Variants in IQGAP2 observed in about 807,000 individuals in gnomAD.
The protein encoded by IQGAP2 is IQ motif containing GTPase activating protein 2.
IQGAP2 carries 173 observed loss-of-function variants against 201.3 expected under a neutral mutation model. The ratio of observed to expected loss-of-function variants is 0.86; its 90% CI spans 0.76 to 0.98. The LOEUF is 0.98. Among genes scored for constraint, IQGAP2 ranks in the 50% least tolerant of loss-of-function variants. The pLI, the probability that IQGAP2 is intolerant of heterozygous loss-of-function variation, is 0.00. For missense variants in IQGAP2, 1,687 were observed against 1,864.8 expected (o/e 0.90, Z 1.76); for synonymous variants, 675 against 673.9 (o/e 1.00, Z -0.03).
chr5:76,469,128 A>T (rs1754968432), intron 2 of IQGAP2, among the ~76,000 whole-genome samples: 1 of 152,190 alleles, frequency 6.6e-6, no homozygotes, highest in Admixed American at 6.5e-5. Context: ...TTCACTGGAA[A>T]ATTCTATATT....
intron 13 of IQGAP2, among the ~76,000 whole-genome samples, chr5:76,613,804 C>T (rs1365189912): frequency 1.3e-5 from 2 of 152,182 alleles, no homozygotes; most frequent in Non-Finnish European, 2.9e-5. Flanking sequence ...AACCGATTCT[C>T]CTGCCTCAGC....
At chr5:76,529,315 A>G (rs1320170040) in intron 2 of IQGAP2, among the ~76,000 whole-genome samples, 1 of 152,200 alleles carries the variant, frequency 6.6e-6, no homozygotes, top group East Asian at 1.9e-4. Context: ...ATCCAGAAGC[A>G]TATGTCTAGG....
intron 2 of IQGAP2, among the ~76,000 whole-genome samples, chr5:76,490,655 A>G (rs974125254): frequency 2.6e-5 from 4 of 152,204 alleles, no homozygotes. Context: ...GGCTATGAGA[A>G]AAAAGCTATT....
At chr5:76,550,327 G>GC (rs1362564801) in intron 2 of IQGAP2, among the ~76,000 whole-genome samples, 1 of 150,958 alleles carries the variant, frequency 6.6e-6, no homozygotes, top group African/African-American at 2.4e-5. Flanking sequence ...CTGTCCTCCA[G>GC]GCCCATTGGG....
intron 2 of IQGAP2, among the ~76,000 whole-genome samples, chr5:76,472,694 G>A (rs190776028): frequency 9.8e-5 from 15 of 152,290 alleles, no homozygotes; most frequent in Admixed American, 2.6e-4. Context: ...GGTGCCAATC[G>A]GGTATGTTCT....
chr5:76,664,422 C>T (rs987003565), intron 21 of IQGAP2, among the ~76,000 whole-genome samples: 3 of 152,208 alleles, frequency 2.0e-5, no homozygotes, highest in African/African-American at 7.2e-5. Context: ...CGGTGGCTTA[C>T]GCCTGTAATC....
rs139586714 is a variant in IQGAP2, at chr5:76,482,200, C to T, written c.146+20531C>T. ...TTTTCCCAGGGTGAGTGGATGATAG[C>T]GTGGCATCTTTGCAGGAAGAGCTTG... On this transcript the variant is annotated intron_variant, in intron 2 of 35. Coordinates refer to ENST00000274364, the MANE Select transcript of IQGAP2 (RefSeq NM_006633.5). Among the ~76,000 whole-genome samples the T allele has an allele frequency of 6.6e-5, 10 of 152,266 alleles. No individual in the cohort carries two copies. The South Asian group carries it at 1.5e-3, about 22-fold the overall frequency.
intron 1 of IQGAP2, among the ~76,000 whole-genome samples, chr5:76,426,835 C>T (rs1454366786): frequency 6.6e-6 from 1 of 152,018 alleles, no homozygotes; most frequent in South Asian, 2.1e-4. Context: ...GGCCCCTGCC[C>T]CTCCATCCTT....
At chr5:76,554,057 A>T (rs1232444237) in intron 2 of IQGAP2, among the ~76,000 whole-genome samples, 2 of 152,222 alleles carry the variant, frequency 1.3e-5, no homozygotes, top group African/African-American at 2.4e-5. Context: ...ATGAACACTC[A>T]CTTGTACAGT....
At chr5:76,498,451 A>G (rs1267874035) in intron 2 of IQGAP2, among the ~76,000 whole-genome samples, 1 of 152,218 alleles carries the variant, frequency 6.6e-6, no homozygotes, top group African/African-American at 2.4e-5. Context: ...AGACAGAAAC[A>G]GAGCCAAGCC....
intron 2 of IQGAP2, among the ~76,000 whole-genome samples, chr5:76,517,112 A>G (rs1758378056): frequency 6.6e-6 from 1 of 152,142 alleles, no homozygotes; most frequent in Admixed American, 6.5e-5. Context: ...TTGTCTACTC[A>G]ATCTGCCAAG....
intron 2 of IQGAP2, among the ~76,000 whole-genome samples, chr5:76,558,723 C>T (rs1202705651): frequency 6.6e-6 from 1 of 152,152 alleles, no homozygotes; most frequent in African/African-American, 2.4e-5. Flanking sequence ...CTGGCAAGGA[C>T]TTTATCACCA....
At chr5:76,692,048 G>C (rs1421825925) in intron 30 of IQGAP2, among the ~76,000 whole-genome samples, 1 of 152,190 alleles carries the variant, frequency 6.6e-6, no homozygotes, top group Non-Finnish European at 1.5e-5. Context: ...CGGGACTACA[G>C]TAAAAGTGAA....
At chr5:76,416,000 GTA>G (rs1260275572) in intron 1 of IQGAP2, among the ~76,000 whole-genome samples, 2 of 151,848 alleles carry the variant, frequency 1.3e-5, no homozygotes, top group African/African-American at 2.4e-5. Context: ...GTAAAAGGTA[GTA>G]ATGAATCAAC....
intron 2 of IQGAP2, among the ~76,000 whole-genome samples, chr5:76,550,180 G>C (rs1229613564): frequency 1.3e-5 from 2 of 152,104 alleles, no homozygotes; most frequent in African/African-American, 4.8e-5. Context: ...GACAGGCTTA[G>C]GATAGACATT....
intron 1 of IQGAP2, among the ~76,000 whole-genome samples, chr5:76,434,937 G>T (rs897254292): frequency 3.5e-4 from 53 of 152,004 alleles, no homozygotes; most frequent in African/African-American, 1.3e-3. Flanking sequence ...GTTTTAATTT[G>T]CAGTTCCCTG....
intron 1 of IQGAP2, among the ~76,000 whole-genome samples, chr5:76,416,081 T>C (rs1162688308): frequency 1.3e-5 from 2 of 152,164 alleles, no homozygotes; most frequent in African/African-American, 4.8e-5. Flanking sequence ...CAAAGTGAAC[T>C]CTGAAGAGCC....
chr5:76,623,370 G>A (rs934171698), intron 13 of IQGAP2: 7 of 937,464 alleles, frequency 7.5e-6, no homozygotes, highest in South Asian at 3.2e-5. Flanking sequence ...TGCCGTGCAG[G>A]CAGGAAACTT....
At chr5:76,519,924 T>A (rs553757098) in intron 2 of IQGAP2, among the ~76,000 whole-genome samples, 2 of 152,360 alleles carry the variant, frequency 1.3e-5, no homozygotes, top group East Asian at 3.9e-4. Context: ...CTTCGTATAT[T>A]TGGATTCAAG....
Sources: allele counts gnomAD v4.1 joint callset (sites outside exome capture counted in the v4.1 genomes callset), GRCh38; gene constraint gnomAD v4.1.1; transcripts MANE v1.5; gene names NCBI Gene and HGNC (gene_info 2026-07-23, HGNC 2026-07-21).